Variants in GPR89B observed in about 807,000 individuals in gnomAD.
GPR89B encodes the protein G protein-coupled receptor 89B.
In GPR89B, 25 loss-of-function variants were observed where a neutral mutation model predicts 52.4. The observed-to-expected ratio is 0.48, with a 90% CI of 0.35 to 0.67. GPR89B has a LOEUF of 0.67. Among genes scored for constraint, GPR89B ranks in the 30% least tolerant of loss-of-function variants. GPR89B has a pLI of 0.01. For missense variants in GPR89B, 146 were observed against 450.2 expected (o/e 0.32, Z 6.11); for synonymous variants, 52 against 151.2 (o/e 0.34, Z 4.81).
chr1:147,951,682 T>C (rs1485809922), intron 5 of GPR89B, among the ~76,000 whole-genome samples: 2 of 152,148 alleles, frequency 1.3e-5, no homozygotes, highest in South Asian at 4.1e-4. Context: ...ATCAAAAGTA[T>C]GGTGACTTCT....
At chr1:148,018,071 A>C in the GPR89B span, among the ~76,000 whole-genome samples, 1 of 148,024 alleles carries the variant, frequency 6.8e-6, no homozygotes, top group Non-Finnish European at 1.5e-5. Flanking sequence ...ATGGAATTTC[A>C]AAAACACTAT....
chr1:148,002,056 T>TA, the GPR89B span, among the ~76,000 whole-genome samples: 646 of 151,026 alleles, frequency 4.3e-3, 5 homozygotes, highest in Admixed American at 6.6e-3. Flanking sequence ...TTTTTTTTTT[T>TA]AACAAGTTCC....
At chr1:148,019,765 T>C in the GPR89B span, among the ~76,000 whole-genome samples, 7 of 152,032 alleles carry the variant, frequency 4.6e-5, no homozygotes, top group Non-Finnish European at 7.3e-5. Flanking sequence ...TCCTAGCATC[T>C]ACCTAGAATC....
At chr1:148,017,454 G>T in the GPR89B span, among the ~76,000 whole-genome samples, 3 of 150,846 alleles carry the variant, frequency 2.0e-5, no homozygotes, top group Non-Finnish European at 4.4e-5. Context: ...GTTGTTTTAG[G>T]CCAGGCGCGG....
chr1:147,995,473 T>C (rs1483047693), downstream of GPR89B: 9 of 1,114,934 alleles, frequency 8.1e-6, no homozygotes, highest in Non-Finnish European at 1.2e-5. Flanking sequence ...TTAGTTATCT[T>C]TACATTGTCA....
intron 7 of GPR89B, among the ~76,000 whole-genome samples, chr1:147,959,763 GAAGA>G (rs1236975128): frequency 3.9e-5 from 6 of 152,074 alleles, no homozygotes; most frequent in African/African-American, 1.5e-4. Context: ...GCAGAAACTA[GAAGA>G]GAGTCTATCC....
chr1:147,946,780 C>T (rs1553249857), intron 5 of GPR89B, among the ~76,000 whole-genome samples: 1 of 152,034 alleles, frequency 6.6e-6, no homozygotes, highest in Non-Finnish European at 1.5e-5. Context: ...TTTCTAAATT[C>T]TATGGGATTA....
At chr1:147,955,069 C>T (rs1656013443) in intron 7 of GPR89B, among the ~76,000 whole-genome samples, 1 of 152,022 alleles carries the variant, frequency 6.6e-6, no homozygotes, top group Non-Finnish European at 1.5e-5. Context: ...ATTCCTCCCA[C>T]CCATCCAGCC....
Position 147,928,458 on chromosome 1 carries a change from G to C in GPR89B, c.-79G>C. On this transcript the variant is annotated 5_prime_UTR_variant, in exon 1 of 14. Transcript: ENST00000314163. Reference sequence around the variant, plus strand: ...CAGCACCTGGGAGAAGGCAGACCGTGTGAGGGGGCCTGTGGCCCCAGCGTG... The same window carrying C: ...CAGCACCTGGGAGAAGGCAGACCGTCTGAGGGGGCCTGTGGCCCCAGCGTG... 2 of 1,567,302 alleles carry C rather than the reference G, an allele frequency of 1.3e-6. No homozygotes were observed. Among genetic ancestry groups the C allele is most frequent in the Non-Finnish European group, 1.8e-6 (2 of 1,139,242 alleles).
chr1:147,968,550 A>T, intron 8 of GPR89B: 1 of 429,178 alleles, frequency 2.3e-6, no homozygotes, highest in African/African-American at 2.0e-5. Context: ...TTCTGTAACT[A>T]TTTACAATCT....
rs1656881816 is a variant in GPR89B at position 147,964,414 on chromosome 1, T to C, written c.618-2140T>C. ...CATATTAGGAACTTTTAAATGACAT[T>C]GGGCTAATAACAAATAGATAATTCC... On this transcript the variant is annotated intron_variant, in intron 7 of 13. Transcript: ENST00000314163. 2.0e-5 allele frequency among the ~76,000 whole-genome samples: 3 copies of C among 151,642 alleles called. No individual in the cohort carries two copies. In the South Asian group the frequency reaches 6.2e-4, roughly 32 times the overall value.
At chr1:147,980,818 CAAAAAAAAAAAAAA>C (rs1176400328) in intron 10 of GPR89B, among the ~76,000 whole-genome samples, 5 of 22,570 alleles carry the variant, frequency 2.2e-4, no homozygotes, top group South Asian at 2.5e-3. Context: ...GACTCCGTCT[CAAAAAAAAAAAAAA>C]AAAAAAAAAA....
chr1:147,957,908 CA>C (rs1257239993), intron 7 of GPR89B, among the ~76,000 whole-genome samples: 5 of 151,580 alleles, frequency 3.3e-5, no homozygotes, highest in South Asian at 2.1e-4. Context: ...ACTAAAGATA[CA>C]AAAAAGTAGC....
chr1:147,978,610 T>TC (rs1364720846), intron 10 of GPR89B, among the ~76,000 whole-genome samples: 1 of 151,208 alleles, frequency 6.6e-6, no homozygotes, highest in Admixed American at 6.6e-5. Context: ...AAGACGATAG[T>TC]CACCCCTGCC....
At chr1:147,950,196 A>G (rs782767449) in intron 5 of GPR89B, among the ~76,000 whole-genome samples, 3,202 of 145,392 alleles carry the variant, frequency 0.022, 48 homozygotes, top group Non-Finnish European at 0.035. Flanking sequence ...TGCCAGGCGG[A>G]GGGTCTCCTC....
downstream of GPR89B, among the ~76,000 whole-genome samples, chr1:147,997,338 C>T (rs1659340461): frequency 1.3e-5 from 2 of 152,136 alleles, no homozygotes; most frequent in African/African-American, 4.8e-5. Flanking sequence ...GATTAGCATG[C>T]GAGTCTGAGT....
At chr1:147,978,448 C>A (rs1201750077) in intron 10 of GPR89B, among the ~76,000 whole-genome samples, 1 of 151,716 alleles carries the variant, frequency 6.6e-6, no homozygotes, top group East Asian at 1.9e-4. Context: ...GGGTCTCAGT[C>A]AGGAGGCACG....
downstream of GPR89B, among the ~76,000 whole-genome samples, chr1:147,997,917 A>G (rs1251186132): frequency 2.6e-5 from 4 of 152,148 alleles, no homozygotes; most frequent in Non-Finnish European, 5.9e-5. Context: ...TTATTTTGCT[A>G]TGTATTGTTG....
chr1:147,958,030 C>G (rs1172412893), intron 7 of GPR89B, among the ~76,000 whole-genome samples: 6 of 151,170 alleles, frequency 4.0e-5, no homozygotes, highest in Non-Finnish European at 8.8e-5. Flanking sequence ...CGCCACTGCA[C>G]TCCAGCCTGG....
Sources: gnomAD v4.1 joint callset for allele counts (sites outside exome capture counted in the v4.1 genomes callset) on GRCh38, gnomAD v4.1.1 for gene constraint, MANE v1.5 for transcripts, NCBI Gene and HGNC (gene_info 2026-07-23, HGNC 2026-07-21) for gene names.